Variants in C12orf50 observed in about 807,000 individuals in gnomAD.
The protein encoded by C12orf50 is zinc finger CCCH-type containing 11D.
A neutral mutation model predicts 61.6 loss-of-function variants in C12orf50; 35 were observed. The observed-to-expected ratio is 0.57, with a 90% confidence interval of 0.43 to 0.75. The LOEUF is 0.75. C12orf50 is among the 30% of genes least tolerant of loss of function. The pLI is 0.00. For missense variants in C12orf50, 475 were observed against 488.5 expected, an observed-to-expected ratio of 0.97 and a Z score of 0.26; for synonymous variants, 178 against 161.5, an observed-to-expected ratio of 1.10 and a Z score of -0.77.
At chr12:88,003,292 TA>T (rs551022967) in intron 3 of C12orf50, among the ~76,000 whole-genome samples, 60 of 151,802 alleles carry the variant, frequency 4.0e-4, no homozygotes, top group African/African-American at 1.4e-3. Context: ...TGTAACAGAC[TA>T]AAAAAAATTG....
At chr12:87,990,480 T>TC (rs1275230438) in intron 7 of C12orf50, among the ~76,000 whole-genome samples, 1 of 152,144 alleles carries the variant, frequency 6.6e-6, no homozygotes, top group Non-Finnish European at 1.5e-5. Flanking sequence ...ATGACCAAAA[T>TC]GGCTTTTATT....
chr12:87,982,816 C>T (rs113918743), intron 12 of C12orf50, among the ~76,000 whole-genome samples: 2 of 149,432 alleles, frequency 1.3e-5, no homozygotes, highest in African/African-American at 4.9e-5. Flanking sequence ...AAAAAAAATG[C>T]ATCTTAACGT....
intron 3 of C12orf50, among the ~76,000 whole-genome samples, chr12:88,013,022 C>CCACTG (rs1176793870): frequency 6.6e-6 from 1 of 152,022 alleles, no homozygotes; most frequent in Non-Finnish European, 1.5e-5. Context: ...TGTGTTCACA[C>CCACTG]CACTGCACTC....
In C12orf50 at chr12:87,994,125, G is replaced by A. The variant is rs138801197; in HGVS notation, c.592+508C>T. ...TGAGGCAGGAGAATAGCTTGAACTC[G>A]GGAGATGGAGGTTGCAGTGAGCCGA... On this transcript the variant is annotated intron_variant, in intron 7 of 12. Coordinates refer to ENST00000298699, the MANE Select transcript of C12orf50 (RefSeq NM_152589.3). Among the ~76,000 whole-genome samples the A allele has an allele frequency of 6.6e-5, 10 of 151,900 alleles. No individual in the cohort carries two copies. The East Asian group carries it at 9.7e-4, about 15-fold the overall frequency.
chr12:87,986,417 C>T lies in C12orf50; in HGVS notation c.818-1G>A. Reference sequence around the variant, plus strand: ...TTCTTCACTGGCTGGACATCATTCACTTAGAAAAGATACAAATTTTACAAT... The same window carrying T: ...TTCTTCACTGGCTGGACATCATTCATTTAGAAAAGATACAAATTTTACAAT... On this transcript the variant is annotated splice_acceptor_variant, in intron 9 of 12. Transcript: ENST00000298699. LOFTEE classifies it high-confidence loss of function. 6.3e-7 allele frequency: 1 copy of T among 1,588,394 alleles called. No individual in the cohort carries two copies. Among genetic ancestry groups the T allele is most frequent in the Non-Finnish European group, 8.5e-7 (1 of 1,171,044 alleles).
chr12:88,009,814 T>G lies in C12orf50; in HGVS notation c.134-11624A>C, dbSNP rs2032029234. Among the ~76,000 whole-genome samples, 3 of 152,274 alleles carry G rather than the reference T, an allele frequency of 2.0e-5. No individual in the cohort carries two copies. The South Asian group carries it at 6.2e-4, about 32-fold the overall frequency. Reference sequence around the variant, plus strand: ...AAATATTATCTTATTTGGTGGTTTATCTTTTTACTTTTTTATGGTGTTTTT... The same window carrying G: ...AAATATTATCTTATTTGGTGGTTTAGCTTTTTACTTTTTTATGGTGTTTTT... On this transcript the variant is annotated intron_variant, in intron 3 of 12. Coordinates refer to ENST00000298699, the MANE Select transcript of C12orf50 (RefSeq NM_152589.3).
intron 3 of C12orf50, among the ~76,000 whole-genome samples, chr12:88,008,091 G>T (rs1482204103): frequency 6.6e-6 from 1 of 151,856 alleles, no homozygotes; most frequent in African/African-American, 2.4e-5. Flanking sequence ...CAGTTCAGGG[G>T]TACACGTGCA....
At chr12:87,994,493 C>T (rs2031290152) in intron 7 of C12orf50, 140 bp downstream of exon 7, 1 of 640,300 alleles carries the variant, frequency 1.6e-6, no homozygotes, top group Admixed American at 2.9e-5. Context: ...CTGAAAGCAA[C>T]TGATTTTGTG....
chr12:88,019,422 G>T (rs2032432301), intron 3 of C12orf50, among the ~76,000 whole-genome samples: 1 of 152,042 alleles, frequency 6.6e-6, no homozygotes, highest in Non-Finnish European at 1.5e-5. Flanking sequence ...TCTTGGGTAT[G>T]TCTTTTGTAA....
At chr12:87,981,324 T>C (rs1297955495) in intron 12 of C12orf50, among the ~76,000 whole-genome samples, 3 of 152,186 alleles carry the variant, frequency 2.0e-5, no homozygotes, top group African/African-American at 7.2e-5. Flanking sequence ...TCAACAGTCC[T>C]GACATGGATG....
rs2030804527 is a variant in C12orf50 at position 87,986,047 on chromosome 12, T to A, written c.929A>T (p.Gln310Leu). 1 of 1,613,494 alleles carries A rather than the reference T, an allele frequency of 6.2e-7. No homozygotes were observed. The highest frequency in any genetic ancestry group is 1.1e-5 in the South Asian group (1 of 91,082). ...FPNSGMQRAVQAPRPQNKMSY... is the reference protein window; with the variant it reads ...FPNSGMQRAVLAPRPQNKMSY... Reference sequence around the variant, plus strand: ...CATTTTATTTTGGGGTCTTGGGGCCTGTACTGCTGTAAAGAAAGGTGGGAG... The same window carrying A: ...CATTTTATTTTGGGGTCTTGGGGCCAGTACTGCTGTAAAGAAAGGTGGGAG... Residue 310 changes from glutamine (Q) to leucine (L), a missense_variant, in exon 11 of 13, where the codon CAG becomes CTG. By Grantham distance (113) the Gln-to-Leu change is moderately radical. Transcript: ENST00000298699.
chr12:88,013,158 G>C (rs1446360582), intron 3 of C12orf50, among the ~76,000 whole-genome samples: 1 of 151,932 alleles, frequency 6.6e-6, no homozygotes, highest in South Asian at 2.1e-4. Context: ...TAAATAAAGA[G>C]ACATGACAAC....
intron 3 of C12orf50, among the ~76,000 whole-genome samples, chr12:88,019,200 T>G (rs60287018): frequency 0.06 from 9,120 of 152,104 alleles, 963 homozygotes; most frequent in African/African-American, 0.21. Flanking sequence ...ATGGGGCAGG[T>G]ATTTCCCATG....
intron 9 of C12orf50, 105 bp downstream of exon 9, chr12:87,987,745 A>C: frequency 1.3e-6 from 1 of 764,374 alleles, no homozygotes; most frequent in South Asian, 1.7e-5. Flanking sequence ...ATAATTTTTA[A>C]ACCTTTTTTC....
chr12:88,005,408 C>T (rs2031819889), intron 3 of C12orf50, among the ~76,000 whole-genome samples: 1 of 152,140 alleles, frequency 6.6e-6, no homozygotes, highest in East Asian at 1.9e-4. Context: ...TTGCTCCATT[C>T]CCTGGTTTCT....
intron 3 of C12orf50, among the ~76,000 whole-genome samples, chr12:88,020,959 T>C (rs1178350038): frequency 6.6e-6 from 1 of 152,154 alleles, no homozygotes; most frequent in Non-Finnish European, 1.5e-5. Context: ...AATGAAATTA[T>C]GGCAGAAATC....
At chr12:88,026,707 T>C (rs1218036877) in intron 2 of C12orf50, 99 bp from the exon 3 acceptor site, 4 of 1,454,636 alleles carry the variant, frequency 2.7e-6, no homozygotes, top group Middle Eastern at 1.8e-4. Context: ...AAAACAATTA[T>C]AGTTAACTGA....
Position 87,989,207 on chromosome 12 carries a change from G to T in C12orf50, c.700+57C>A. 4 of 1,213,982 alleles carry T rather than the reference G, an allele frequency of 3.3e-6. No homozygotes were observed. The South Asian group carries it at 4.0e-5, about 12-fold the overall frequency. The allele number at this position is 1,213,982 out of a possible 1,614,324, so 75.2% of individuals were successfully genotyped here. On this transcript the variant is annotated intron_variant, in intron 8 of 12. Transcript: ENST00000298699. ...ATTGGTTTTTATAACAAGCAAGCTT[G>T]TCTTTAACTTGCCTAGCCAAATTAC...
chr12:87,997,709 A>G (rs1268263044), intron 4 of C12orf50, among the ~76,000 whole-genome samples: 1 of 152,168 alleles, frequency 6.6e-6, no homozygotes, highest in Admixed American at 6.5e-5. Context: ...GATGGTTTCC[A>G]GCTTCATCCA....
Sources: allele counts gnomAD v4.1 joint callset (sites outside exome capture counted in the v4.1 genomes callset), GRCh38; gene constraint gnomAD v4.1.1; transcripts MANE v1.5; gene names NCBI Gene and HGNC (gene_info 2026-07-23, HGNC 2026-07-21).